ATG7: variants seen among roughly 807,000 people sequenced by gnomAD.
ATG7 encodes autophagy related 7.
ATG7 carries 70 observed loss-of-function variants against 82.4 expected under a neutral mutation model. The ratio of observed to expected loss-of-function variants is 0.85; its 90% CI spans 0.70 to 1.04. The LOEUF is 1.04. Among genes scored for constraint, ATG7 ranks in the 50% least tolerant of loss-of-function variants. ATG7 has a pLI of 0.00. For synonymous variants in ATG7, 287 were observed against 313.0 expected (o/e 0.92, Z 0.88); for missense variants, 792 against 864.3 (o/e 0.92, Z 1.05).
At chr3:11,350,189 A>G (rs2075432678) in intron 14 of ATG7, among the ~76,000 whole-genome samples, 1 of 152,258 alleles carries the variant, frequency 6.6e-6, no homozygotes, top group Non-Finnish European at 1.5e-5. Context: ...CCATTTCACT[A>G]GAGTCCCTGA....
At chr3:11,329,440 C>A (rs1467110176) in intron 9 of ATG7, among the ~76,000 whole-genome samples, 1 of 152,134 alleles carries the variant, frequency 6.6e-6, no homozygotes, top group East Asian at 1.9e-4. Flanking sequence ...ACCTATGGGT[C>A]AATTTATGGT....
At chr3:11,398,110 G>A (rs1415063370) in intron 19 of ATG7, among the ~76,000 whole-genome samples, 1 of 151,362 alleles carries the variant, frequency 6.6e-6, no homozygotes, top group East Asian at 1.9e-4. Context: ...AAATTTTAAT[G>A]AATTATTCTC....
In ATG7 at chr3:11,532,720, G is replaced by A. The variant is rs79691366; in HGVS notation, c.2080-22091G>A. Among the ~76,000 whole-genome samples the A allele has an allele frequency of 2.4e-4, 37 of 152,222 alleles. No individual in the cohort carries two copies. In the East Asian group the frequency reaches 5.4e-3, roughly 22 times the overall value. On this transcript the variant is annotated intron_variant, in intron 20 of 20. Coordinates refer to ENST00000693202, the MANE Select transcript of ATG7 (RefSeq NM_001349232.2). ...TCTAGGTGACAGAGTGAGACCTGTC[G>A]TAAAAAACGAAACAACACCAGCTTC...
chr3:11,451,692 G>A (rs1274475447), intron 20 of ATG7, among the ~76,000 whole-genome samples: 1 of 150,442 alleles, frequency 6.6e-6, no homozygotes, highest in African/African-American at 2.4e-5. Context: ...TATGAAGGCG[G>A]ACACAGATTT....
chr3:11,463,889 G>C lies in ATG7; in HGVS notation c.2079+36963G>C, dbSNP rs2086578526. Among the ~76,000 whole-genome samples, 2 of 152,184 alleles carry C rather than the reference G, an allele frequency of 1.3e-5. 1 individual carries two copies. The highest frequency in any genetic ancestry group is 4.1e-4 in the South Asian group (2 of 4,834). ...AGTCAAGTTAGACTAGAGAGGCAGA[G>C]TCTGTAAAGGAACGTGGTTGGTGTG... On this transcript the variant is annotated intron_variant, in intron 20 of 20. Coordinates refer to ENST00000693202, the MANE Select transcript of ATG7 (RefSeq NM_001349232.2).
intron 20 of ATG7, 147 bp from the exon 21 acceptor site, chr3:11,554,664 G>T: frequency 3.0e-6 from 3 of 987,748 alleles, no homozygotes; most frequent in Non-Finnish European, 2.9e-6. Context: ...TGGTTTCCTT[G>T]TACAGAAATG....
intron 6 of ATG7, among the ~76,000 whole-genome samples, chr3:11,308,044 C>G (rs1420626829): frequency 6.6e-6 from 1 of 152,256 alleles, no homozygotes; most frequent in Non-Finnish European, 1.5e-5. Flanking sequence ...TATCCCACCC[C>G]TCAACTGGGG....
chr3:11,322,330 A>G (rs897255926), intron 9 of ATG7, among the ~76,000 whole-genome samples: 11 of 152,206 alleles, frequency 7.2e-5, no homozygotes, highest in African/African-American at 2.7e-4. Context: ...CAAATAGCTC[A>G]CCACCTGCAG....
chr3:11,283,909 A>G (rs1272131120), intron 3 of ATG7, among the ~76,000 whole-genome samples: 1 of 152,116 alleles, frequency 6.6e-6, no homozygotes, highest in African/African-American at 2.4e-5. Flanking sequence ...TCCAGCCTGG[A>G]CGACAGAACG....
At chr3:11,315,124 C>T (rs772357526) in intron 8 of ATG7, among the ~76,000 whole-genome samples, 1 of 152,068 alleles carries the variant, frequency 6.6e-6, no homozygotes, top group Non-Finnish European at 1.5e-5. Flanking sequence ...CCTTTGTGCC[C>T]CTAAGACACA....
chr3:11,511,265 G>A (rs1345509061), intron 20 of ATG7, among the ~76,000 whole-genome samples: 1 of 152,108 alleles, frequency 6.6e-6, no homozygotes, highest in African/African-American at 2.4e-5. Context: ...GAGCCGAGTG[G>A]CCTGTTTTGT....
chr3:11,425,513 C>G (rs1015611268), intron 19 of ATG7, among the ~76,000 whole-genome samples: 2 of 152,132 alleles, frequency 1.3e-5, no homozygotes, highest in African/African-American at 4.8e-5. Flanking sequence ...CTTGTGAGTT[C>G]CCAGAGAATT....
At chr3:11,546,336 T>C (rs962374749) in intron 20 of ATG7, among the ~76,000 whole-genome samples, 1 of 152,004 alleles carries the variant, frequency 6.6e-6, no homozygotes, top group Non-Finnish European at 1.5e-5. Flanking sequence ...CATGCCCAGC[T>C]AAGTTTTGTA....
chr3:11,338,379 T>G (rs1240071400), intron 11 of ATG7, among the ~76,000 whole-genome samples: 1 of 152,220 alleles, frequency 6.6e-6, no homozygotes, highest in African/African-American at 2.4e-5. Flanking sequence ...TTAAGCAGAT[T>G]CCATGTCTTT....
rs565605439 is a variant in ATG7 at position 11,411,119 on chromosome 3, C to T, written c.1957-15685C>T. ...ATCAACACTTGTTATTTTTCTTTTT[C>T]GTTGTAAAATAGTAGCCATTCTAAT... On this transcript the variant is annotated intron_variant, in intron 19 of 20. Coordinates refer to ENST00000693202, the MANE Select transcript of ATG7 (RefSeq NM_001349232.2). Among the ~76,000 whole-genome samples the T allele has an allele frequency of 1.2e-4, 19 of 152,032 alleles. No homozygotes were observed. The South Asian group carries it at 3.5e-3, about 28-fold the overall frequency.
chr3:11,319,762 C>G (rs1009482200), intron 9 of ATG7, among the ~76,000 whole-genome samples: 1 of 152,216 alleles, frequency 6.6e-6, no homozygotes, highest in African/African-American at 2.4e-5. Context: ...CTGTCTTCCC[C>G]CTACCACCCC....
chr3:11,470,008 A>AAAAAAG lies in ATG7; in HGVS notation c.2079+43083_2079+43084insAAAAGA, dbSNP rs1399975005. ...CATCTCAAAAAAAAAAAAAAAAAAA[A>AAAAAAG]AGAGAGAGAGAGATGGTGTACTGGG... On this transcript the variant is annotated intron_variant, in intron 20 of 20. Transcript: ENST00000693202. 5.7e-4 allele frequency among the ~76,000 whole-genome samples: 80 copies of AAAAAAG among 141,102 alleles called. 1 individual carries two copies. The highest frequency in any genetic ancestry group is 9.9e-4 in the Non-Finnish European group (65 of 65,752). 92.6% of individuals were successfully genotyped at this position (141,102 alleles called of 152,430 possible). A position where few individuals can be genotyped will look rare whatever the true frequency, so the allele number is the denominator to read the frequency against.
chr3:11,507,973 AAAAAC>A (rs1235326216), intron 20 of ATG7, among the ~76,000 whole-genome samples: 6 of 152,188 alleles, frequency 3.9e-5, no homozygotes, highest in Non-Finnish European at 7.3e-5. Flanking sequence ...CAAAAAAACA[AAAAAC>A]AAAACAAAAC....
chr3:11,343,743 T>G (rs1403545267), intron 13 of ATG7, among the ~76,000 whole-genome samples: 1 of 152,194 alleles, frequency 6.6e-6, no homozygotes, highest in Non-Finnish European at 1.5e-5. Context: ...TTCAGTAATC[T>G]AAATCATCAT....
Sources: gnomAD v4.1 joint callset for allele counts (sites outside exome capture counted in the v4.1 genomes callset) on GRCh38, gnomAD v4.1.1 for gene constraint, MANE v1.5 for transcripts, NCBI Gene and HGNC (gene_info 2026-07-23, HGNC 2026-07-21) for gene names.